The following CAST variants were observed in gnomAD, a reference collection of about 807,000 sequenced individuals.
The protein encoded by CAST is MIR583 host.
A neutral mutation model predicts 119.6 loss-of-function variants in CAST; 76 were observed. The observed-to-expected ratio is 0.64, with a 90% confidence interval of 0.53 to 0.77. CAST has a LOEUF of 0.77. Among genes scored for constraint, CAST ranks in the 30% least tolerant of loss-of-function variants. CAST has a pLI of 0.00. For synonymous variants in CAST, 319 were observed against 331.6 expected, an observed-to-expected ratio of 0.96 and a Z score of 0.41; for missense variants, 953 against 946.5, an observed-to-expected ratio of 1.01 and a Z score of -0.09.
the CAST span, among the ~76,000 whole-genome samples, chr5:96,172,777 G>C: frequency 6.6e-6 from 1 of 152,148 alleles, no homozygotes; most frequent in Non-Finnish European, 1.5e-5. Context: ...AGATCCTCTA[G>C]GAGAGCCAGA....
At chr5:96,127,052 T>A in the CAST span, among the ~76,000 whole-genome samples, 1 of 152,106 alleles carries the variant, frequency 6.6e-6, no homozygotes, top group African/African-American at 2.4e-5. Context: ...GCAATGGTAT[T>A]TGAACAGCTC....
At chr5:96,051,408 C>G in the CAST span, among the ~76,000 whole-genome samples, 1 of 152,050 alleles carries the variant, frequency 6.6e-6, no homozygotes, top group African/African-American at 2.4e-5. Context: ...AGGAATTTGT[C>G]TTTCAAATAA....
At chr5:96,186,818 G>A in the CAST span, among the ~76,000 whole-genome samples, 4 of 151,962 alleles carry the variant, frequency 2.6e-5, no homozygotes, top group Non-Finnish European at 5.9e-5. Context: ...TTCTTTTTTT[G>A]TTGTATCTCT....
chr5:96,579,917 G>T (rs986455723), intron 1 of CAST, among the ~76,000 whole-genome samples: 1 of 152,236 alleles, frequency 6.6e-6, no homozygotes, highest in Admixed American at 6.5e-5. Context: ...CACCGCTGCC[G>T]TGGGGCAATA....
chr5:96,305,971 A>T, the CAST span, among the ~76,000 whole-genome samples: 28 of 152,166 alleles, frequency 1.8e-4, 1 homozygote, highest in Admixed American at 1.8e-3. Flanking sequence ...GCCTCATAAA[A>T]TGTGTGAAGG....
chr5:96,675,647 T>TTCACAGTTTAAAA, intron 2 of CAST, 46 bp downstream of exon 2: 2 of 1,362,616 alleles, frequency 1.5e-6, no homozygotes, highest in Non-Finnish European at 2.1e-6. Flanking sequence ...GCTTTTAAAC[T>TTCACAGTTTAAAA]GTGAAGTTTG....
chr5:96,422,951 G>A, the CAST span, among the ~76,000 whole-genome samples: 1 of 145,040 alleles, frequency 6.9e-6, no homozygotes, highest in Admixed American at 6.7e-5. Flanking sequence ...TAAAAGAGGT[G>A]AGGAGGGAAA....
intron 1 of CAST, among the ~76,000 whole-genome samples, chr5:96,567,249 C>G (rs1746483499): frequency 6.6e-6 from 1 of 152,178 alleles, no homozygotes; most frequent in Non-Finnish European, 1.5e-5. Flanking sequence ...GCATGGCACT[C>G]TCCTAGTTAA....
At chr5:96,125,848 G>A in the CAST span, among the ~76,000 whole-genome samples, 8 of 151,926 alleles carry the variant, frequency 5.3e-5, no homozygotes, top group Non-Finnish European at 7.4e-5. Flanking sequence ...TTTCCAAACC[G>A]GCAGTGGTGT....
At chr5:96,600,529 C>T (rs1230004134) in intron 1 of CAST, among the ~76,000 whole-genome samples, 2 of 152,118 alleles carry the variant, frequency 1.3e-5, no homozygotes, top group Non-Finnish European at 2.9e-5. Flanking sequence ...AATGAAGAAC[C>T]AAAGAGAGAA....
At chr5:95,989,340 T>G in the CAST span, among the ~76,000 whole-genome samples, 2 of 152,214 alleles carry the variant, frequency 1.3e-5, no homozygotes, top group Admixed American at 1.3e-4. Flanking sequence ...TATTTAGATG[T>G]TTCACACTCT....
At chr5:96,212,020 T>A in the CAST span, among the ~76,000 whole-genome samples, 1 of 152,128 alleles carries the variant, frequency 6.6e-6, no homozygotes, top group Non-Finnish European at 1.5e-5. Flanking sequence ...TTTCTTTTTT[T>A]TCCCTTTGTC....
chr5:96,561,367 A>G (rs1746356262), intron 1 of CAST, among the ~76,000 whole-genome samples: 1 of 151,378 alleles, frequency 6.6e-6, no homozygotes, highest in African/African-American at 2.4e-5. Context: ...AAAAAAAGAA[A>G]AAAAGGAAAA....
chr5:96,513,444 G>A, the CAST span, among the ~76,000 whole-genome samples: 1 of 152,158 alleles, frequency 6.6e-6, no homozygotes, highest in African/African-American at 2.4e-5. Context: ...TGACTAGGAT[G>A]GGCAGGGAAA....
At chr5:96,479,509 G>C in the CAST span, among the ~76,000 whole-genome samples, 8 of 149,944 alleles carry the variant, frequency 5.3e-5, no homozygotes, top group Non-Finnish European at 1.2e-4. Flanking sequence ...GAGTGCGGTG[G>C]CTCAATCTCA....
chr5:96,434,622 G>GT, the CAST span, among the ~76,000 whole-genome samples: 1 of 109,084 alleles, frequency 9.2e-6, no homozygotes, highest in African/African-American at 4.0e-5. Flanking sequence ...TTTTTTTGTT[G>GT]TTGTTGTTGT....
At chr5:96,662,572 T>G in intron 1 of CAST, 75 bp downstream of exon 1, 2 of 1,307,206 alleles carry the variant, frequency 1.5e-6, no homozygotes, top group Non-Finnish European at 1.9e-6. Context: ...CCGCCCTCCC[T>G]GGGCGTTGCC....
chr5:96,747,308 C>G (rs756196749), intron 17 of CAST, 37 bp from the exon 18 acceptor site: 22 of 1,407,256 alleles, frequency 1.6e-5, no homozygotes, highest in Non-Finnish European at 2.1e-5. Context: ...GCAAAATTTT[C>G]TATTTCATTT....
the CAST span, among the ~76,000 whole-genome samples, chr5:96,194,149 T>C: frequency 4.6e-5 from 7 of 152,184 alleles, no homozygotes; most frequent in Non-Finnish European, 8.8e-5. Flanking sequence ...TGAATACACC[T>C]GACTAGACTC....
Sources: allele counts gnomAD v4.1 joint callset (sites outside exome capture counted in the v4.1 genomes callset), GRCh38; gene constraint gnomAD v4.1.1; transcripts MANE v1.5; gene names NCBI Gene and HGNC (gene_info 2026-07-23, HGNC 2026-07-21).